Variants in SHISA3 observed in about 807,000 individuals in gnomAD.
SHISA3 encodes the protein protein shisa-3 homolog.
SHISA3 carries 15 observed loss-of-function variants against 19.2 expected under a neutral mutation model. The observed-to-expected ratio is 0.78, with a 90% CI of 0.52 to 1.20. The LOEUF (loss-of-function observed/expected upper bound fraction) is 1.20, where lower values mean the gene tolerates loss of function less well. SHISA3 is among the 50% of genes most tolerant of loss of function. SHISA3 has a pLI of 0.00. For missense variants in SHISA3, 327 were observed against 315.7 expected (o/e 1.04, Z -0.27); for synonymous variants, 145 against 135.2 (o/e 1.07, Z -0.50).
intron 1 of SHISA3, 48 bp downstream of exon 1, chr4:42,398,381 C>T (rs1711811517): frequency 2.1e-6 from 3 of 1,462,854 alleles, no homozygotes; most frequent in Admixed American, 4.6e-5. Flanking sequence ...CTAACGGCGG[C>T]GGCTGCATGT....
Position 42,397,882 on chromosome 4 carries a change from C to G in SHISA3, c.-175C>G. 3.5e-6 allele frequency: 2 copies of G among 578,350 alleles called. No homozygotes were observed. The highest frequency in any genetic ancestry group is 5.9e-6 in the Non-Finnish European group (2 of 341,580). The allele number at this position is 578,350 out of a possible 1,614,324, so 35.8% of individuals were successfully genotyped here. On this transcript the variant is annotated 5_prime_UTR_variant, in exon 1 of 2. Transcript: ENST00000319234. The stretch of plus-strand genomic sequence containing the variant: ...CCGGCCTGCGGAACTCGTAGTGCAG[C>G]CCCTGTCGCCTCCCCGGCCCCTGCT...
Position 42,398,160 on chromosome 4 carries a change from A to C in SHISA3, c.104A>C (p.Gln35Pro). 1 of 1,606,892 alleles carries C rather than the reference A, an allele frequency of 6.2e-7. No homozygotes were observed. Among genetic ancestry groups the C allele is most frequent in the Middle Eastern group, 1.7e-4 (1 of 6,046 alleles). The change falls in exon 1 of 2, where the codon CAG becomes CCG. Residue 35 changes from glutamine to proline, a missense_variant. Gln to Pro is a moderately conservative substitution (Grantham distance 76). Transcript: ENST00000319234. ...GEYCHGWVDV[Q>P]GNYHEGFQCP... is the part of the protein sequence containing the mutation. ...TACTGCCACGGCTGGGTGGACGTGC[A>C]GGGCAACTACCACGAGGGCTTCCAG... is the stretch of plus-strand genomic sequence containing the variant.
rs1207714940 is a variant in SHISA3 at position 42,398,293 on chromosome 4, C to G, written c.237C>G (p.Thr79=). The change falls in exon 1 of 2, where the codon ACC becomes ACG. Residue 79 remains threonine, a synonymous_variant. Coordinates refer to ENST00000319234, the MANE Select transcript of SHISA3 (RefSeq NM_001080505.3). ...CCAGGCTGGAGCAGGGCGGCTGCAC[C>G]AACGACCGCCGCGAACTGGAGCACC... ...ADARLEQGGC[T]NDRRELEHPG... 2 of 1,562,730 alleles carry G rather than the reference C, an allele frequency of 1.3e-6. No homozygotes were observed. The highest frequency in any genetic ancestry group is 3.7e-5 in the Admixed American group (2 of 53,340).
In SHISA3 at chr4:42,401,608, CCT is replaced by C; in HGVS notation, c.*158_*159del. 1 of 751,054 alleles carries C rather than the reference CCT, an allele frequency of 1.3e-6. No individual in the cohort carries two copies. The allele number at this position is 751,054 out of a possible 1,614,324, so 46.5% of individuals were successfully genotyped here. On this transcript the variant is annotated 3_prime_UTR_variant, in exon 2 of 2. Coordinates refer to ENST00000319234, the MANE Select transcript of SHISA3 (RefSeq NM_001080505.3). ...CACAGCACCTTCTAATTTGAAAGTT[CCT>C]GTCTCCAATCACAGAAAGGCTAAAC...
rs1711945292 is a variant in SHISA3 at position 42,402,277 on chromosome 4, T to A, written c.*826T>A. ...ATGTAAATATTTGTAATTTAATGTA[T>A]TTACCACATTGACTGTACTAATTAT... On this transcript the variant is annotated 3_prime_UTR_variant, in exon 2 of 2. Transcript: ENST00000319234. The A allele has an allele frequency of 6.6e-6, 1 of 152,192 alleles. No homozygotes were observed. Among genetic ancestry groups the A allele is most frequent in the South Asian group, 2.1e-4 (1 of 4,832 alleles). The allele number at this position is 152,192 out of a possible 1,614,324, so 9.4% of individuals were successfully genotyped here.
chr4:42,401,062 A>C lies in SHISA3; in HGVS notation c.328A>C (p.Ile110Leu). The C allele has an allele frequency of 6.2e-7, 1 of 1,614,076 alleles. No individual in the cohort carries two copies. The highest frequency in any genetic ancestry group is 1.1e-5 in the South Asian group (1 of 91,070). ...CGTCGGCTCCATCTTCATTGCGTTC[A>C]TCATCCTGGGCTCTGTAGTGGCTAT... Reference protein sequence around the residue: ...LIVGSIFIAFIILGSVVAIYC... With the variant: ...LIVGSIFIAFLILGSVVAIYC... Residue 110 changes from isoleucine to leucine, a missense_variant, in exon 2 of 2, where the codon ATC (isoleucine) becomes CTC (leucine). By Grantham distance (5) the Ile-to-Leu change is conservative. Transcript: ENST00000319234.
chr4:42,398,106 G>A lies in SHISA3; in HGVS notation c.50G>A (p.Gly17Asp). Residue 17 changes from glycine to aspartate, a missense_variant, in exon 1 of 2, where the codon GGC (glycine) becomes GAC (aspartate). Gly to Asp is a moderately conservative substitution (Grantham distance 94). Coordinates refer to ENST00000319234, the MANE Select transcript of SHISA3 (RefSeq NM_001080505.3). ...CTTCTCCTTGGCTGGCTGCGCTGGG[G>A]CCCGGCGGGCGCCCAGCAGTCCGGA... ...LCLLLGWLRWGPAGAQQSGEY... is the reference protein window; with the variant it reads ...LCLLLGWLRWDPAGAQQSGEY... 6.2e-7 allele frequency: 1 copy of A among 1,602,538 alleles called. No homozygotes were observed. Among genetic ancestry groups the A allele is most frequent in the Non-Finnish European group, 8.5e-7 (1 of 1,175,544 alleles).
At position 42,398,081 on chromosome 4, in the gene SHISA3, C is replaced by T. The variant is rs767133844; in HGVS notation, c.25C>T (p.Leu9Phe). The change falls in exon 1 of 2, where the codon CTT becomes TTT. Residue 9 changes from leucine (L) to phenylalanine (F), a missense_variant. Physicochemically the swap from Leu to Phe is conservative, Grantham distance 22. Coordinates refer to ENST00000319234, the MANE Select transcript of SHISA3 (RefSeq NM_001080505.3). ...GATGAGGGCACTGCTGGCGCTTTGC[C>T]TTCTCCTTGGCTGGCTGCGCTGGGG... MRALLALC[L>F]LLGWLRWGPA... is the part of the protein sequence containing the mutation. The T allele has an allele frequency of 5.6e-6, 9 of 1,601,130 alleles. No individual in the cohort carries two copies. Among genetic ancestry groups the T allele is most frequent in the Non-Finnish European group, 6.0e-6 (7 of 1,174,614 alleles).
chr4:42,398,326 C>G lies in SHISA3; in HGVS notation c.270C>G (p.Ile90Met). The G allele has an allele frequency of 1.3e-6, 2 of 1,553,694 alleles. No individual in the cohort carries two copies. Among genetic ancestry groups the G allele is most frequent in the Non-Finnish European group, 1.7e-6 (2 of 1,151,448 alleles). Residue 90 changes from isoleucine to methionine, a missense_variant, in exon 1 of 2, where the codon ATC (isoleucine) becomes ATG (methionine). Physicochemically the swap from Ile to Met is conservative, Grantham distance 10. Coordinates refer to ENST00000319234, the MANE Select transcript of SHISA3 (RefSeq NM_001080505.3). The stretch of plus-strand genomic sequence containing the variant: ...GCCGCGAACTGGAGCACCCAGGCAT[C>G]ACTGCGCGTAAGTGCGGGGCCCTCG... The part of the protein sequence containing the change: ...NDRRELEHPG[I>M]TAQPVYVPFL...
chr4:42,402,454 A>G lies in SHISA3; in HGVS notation c.*1003A>G, dbSNP rs1711950706. 1 of 152,158 alleles carries G rather than the reference A, an allele frequency of 6.6e-6. No individual in the cohort carries two copies. Among genetic ancestry groups the G allele is most frequent in the Non-Finnish European group, 1.5e-5 (1 of 68,018 alleles). 9.4% of individuals were successfully genotyped at this position (152,158 alleles called of 1,614,324 possible). On this transcript the variant is annotated 3_prime_UTR_variant, in exon 2 of 2. Coordinates refer to ENST00000319234, the MANE Select transcript of SHISA3 (RefSeq NM_001080505.3). The stretch of plus-strand genomic sequence containing the variant: ...TGGGCATATATCTTGTTGGATTAGA[A>G]TAAATAAAACACTTTATATTTTCAT...
chr4:42,400,986 T>C (rs1219456243), intron 1 of SHISA3, 26 bp from the exon 2 acceptor site: 6 of 1,604,604 alleles, frequency 3.7e-6, no homozygotes, highest in Non-Finnish European at 4.3e-6. Context: ...TCTGAGCATC[T>C]GTTTATGTCT....
At chr4:42,399,792 G>A (rs1019612023) in intron 1 of SHISA3, among the ~76,000 whole-genome samples, 2 of 152,228 alleles carry the variant, frequency 1.3e-5, no homozygotes, top group African/African-American at 2.4e-5. Flanking sequence ...TGTTGGTGAC[G>A]TGAGAGTGTA....
In SHISA3 at chr4:42,402,393, A is replaced by T. The variant is rs1711948731; in HGVS notation, c.*942A>T. On this transcript the variant is annotated 3_prime_UTR_variant, in exon 2 of 2. Coordinates refer to ENST00000319234, the MANE Select transcript of SHISA3 (RefSeq NM_001080505.3). ...ATCATCTAATATTATATATATCTCC[A>T]GTGCCCCTGAATTTTATGTTTGATG... is the stretch of plus-strand genomic sequence containing the variant. 1 of 152,202 alleles carries T rather than the reference A, an allele frequency of 6.6e-6. No homozygotes were observed. Among genetic ancestry groups the T allele is most frequent in the Non-Finnish European group, 1.5e-5 (1 of 68,030 alleles). 9.4% of individuals were successfully genotyped at this position (152,202 alleles called of 1,614,324 possible). A position where few individuals can be genotyped will look rare whatever the true frequency, so the allele number is the denominator to read the frequency against.
At chr4:42,398,365 G>T (rs1468693923) in intron 1 of SHISA3, 32 bp downstream of exon 1, 2 of 1,498,436 alleles carry the variant, frequency 1.3e-6, no homozygotes, top group Non-Finnish European at 8.9e-7. Context: ...ACATATCCCC[G>T]CCCGCCTAAC....
At position 42,398,198 on chromosome 4, in the gene SHISA3, T is replaced by G; in HGVS notation, c.142T>G (p.Phe48Val). ...CGAGGGCTTCCAGTGCCCAGAGGAC[T>G]TCGACACGCTGGACGCTACCATCTG... ...YHEGFQCPEDFDTLDATICCG... is the reference protein window; with the variant it reads ...YHEGFQCPEDVDTLDATICCG... The change falls in exon 1 of 2, where the codon TTC becomes GTC. Residue 48 changes from phenylalanine (F) to valine (V), a missense_variant. Phe to Val is a conservative substitution (Grantham distance 50). Transcript: ENST00000319234. 3.7e-6 allele frequency: 6 copies of G among 1,604,414 alleles called. No homozygotes were observed. Among genetic ancestry groups the G allele is most frequent in the Non-Finnish European group, 4.3e-6 (5 of 1,175,742 alleles).
In SHISA3 at chr4:42,401,270, C is replaced by T. The variant is rs267600159; in HGVS notation, c.536C>T (p.Ser179Phe). The T allele has an allele frequency of 6.2e-7, 1 of 1,614,202 alleles. No individual in the cohort carries two copies. The highest frequency in any genetic ancestry group is 8.5e-7 in the Non-Finnish European group (1 of 1,180,028). ...SSTGGSIRRF[S>F]FARAEPGCLV... Reference sequence around the variant, plus strand: ...ACAGGCGGCTCCATCCGCAGGTTCTCCTTTGCCAGGGCTGAGCCGGGCTGC... The same window carrying T: ...ACAGGCGGCTCCATCCGCAGGTTCTTCTTTGCCAGGGCTGAGCCGGGCTGC... Residue 179 changes from serine (S) to phenylalanine (F), a missense_variant, in exon 2 of 2, where the codon TCC (serine) becomes TTC (phenylalanine). Transcript: ENST00000319234.
intron 1 of SHISA3, among the ~76,000 whole-genome samples, chr4:42,400,249 GTTTGC>G (rs1711868893): frequency 6.6e-6 from 1 of 152,224 alleles, no homozygotes; most frequent in African/African-American, 2.4e-5. Flanking sequence ...GGAAATTGGA[GTTTGC>G]TCTGTTTGAG....
chr4:42,401,408 C>A lies in SHISA3; in HGVS notation c.674C>A (p.Pro225His). Residue 225 changes from proline to histidine, a missense_variant, in exon 2 of 2, where the codon CCC (proline) becomes CAC (histidine). Pro to His is a moderately conservative substitution (Grantham distance 77). Coordinates refer to ENST00000319234, the MANE Select transcript of SHISA3 (RefSeq NM_001080505.3). ...QYFAYPLQQE[P>H]PLPGKSCPDF... ...TTCGCTTACCCCCTCCAGCAGGAGC[C>A]CCCACTGCCTGGGAAGAGCTGTCCA... 2 of 1,602,046 alleles carry A rather than the reference C, an allele frequency of 1.2e-6. No homozygotes were observed. Among genetic ancestry groups the A allele is most frequent in the Non-Finnish European group, 1.7e-6 (2 of 1,174,636 alleles).
chr4:42,401,202 G>A lies in SHISA3; in HGVS notation c.468G>A (p.Arg156=), dbSNP rs1432218214. The change falls in exon 2 of 2, where the codon AGG becomes AGA. Residue 156 remains arginine, a synonymous_variant. Coordinates refer to ENST00000319234, the MANE Select transcript of SHISA3 (RefSeq NM_001080505.3). ...LPMILTSTSP[R]APSRQSSTAT... Reference sequence around the variant, plus strand: ...TGATCCTGACCTCCACCAGCCCCAGGGCACCCTCCCGGCAGTCCAGCACAG... The same window carrying A: ...TGATCCTGACCTCCACCAGCCCCAGAGCACCCTCCCGGCAGTCCAGCACAG... The A allele has an allele frequency of 6.2e-7, 1 of 1,614,108 alleles. No homozygotes were observed.
Sources: allele counts gnomAD v4.1 joint callset (sites outside exome capture counted in the v4.1 genomes callset), GRCh38; gene constraint gnomAD v4.1.1; transcripts MANE v1.5; gene names NCBI Gene and HGNC (gene_info 2026-07-23, HGNC 2026-07-21).